BRAF: variants seen among roughly 807,000 people sequenced by gnomAD.
BRAF encodes B-Raf proto-oncogene, serine/threonine kinase.
A neutral mutation model predicts 104.6 loss-of-function variants in BRAF; 16 were observed. That is an observed-to-expected ratio of 0.15 (90% CI 0.10 to 0.23). BRAF has a LOEUF of 0.23. BRAF is among the 10% of genes least tolerant of loss of function. The pLI is 1.00. For synonymous variants in BRAF, 310 were observed against 341.6 expected (o/e 0.91, Z 1.02); for missense variants, 541 against 937.3 (o/e 0.58, Z 5.52).
At chr7:140,922,455 C>G (rs936527639) in intron 1 of BRAF, among the ~76,000 whole-genome samples, 3 of 152,188 alleles carry the variant, frequency 2.0e-5, no homozygotes, top group African/African-American at 7.2e-5. Context: ...TTCACAAAAG[C>G]CTTCTTTACA....
At chr7:140,922,025 T>C (rs1035972843) in intron 1 of BRAF, among the ~76,000 whole-genome samples, 2 of 152,216 alleles carry the variant, frequency 1.3e-5, no homozygotes, top group African/African-American at 2.4e-5. Context: ...ATTTATTTTA[T>C]CATCTGTAAT....
chr7:140,806,919 C>A (rs1421623554), intron 5 of BRAF, among the ~76,000 whole-genome samples: 1 of 152,094 alleles, frequency 6.6e-6, no homozygotes, highest in Non-Finnish European at 1.5e-5. Flanking sequence ...GGATTAATCA[C>A]CAAGACACAT....
chr7:140,907,745 A>G (rs963285431), intron 1 of BRAF, among the ~76,000 whole-genome samples: 13 of 150,716 alleles, frequency 8.6e-5, no homozygotes, highest in African/African-American at 3.2e-4. Flanking sequence ...GAACCAAAGT[A>G]ACTTTTTTTT....
chr7:140,802,294 T>A (rs1454667902), intron 5 of BRAF, among the ~76,000 whole-genome samples: 314 of 77,946 alleles, frequency 4.0e-3, no homozygotes, highest in African/African-American at 8.0e-3. Flanking sequence ...GTTTGTGTCT[T>A]TTTTTTTTTT....
At position 140,719,625 on chromosome 7, in the gene BRAF, A is replaced by T. The variant is rs1444425255; in HGVS notation, c.*6869T>A. On this transcript the variant is annotated 3_prime_UTR_variant, in exon 20 of 20. Coordinates refer to ENST00000644969, the MANE Select transcript of BRAF (RefSeq NM_001374258.1). Reference sequence around the variant, plus strand: ...AGTGGGTATGGGGGAGAATTAAAAAAAATAATAAAAGATTCAAGCAAACAT... The same window carrying T: ...AGTGGGTATGGGGGAGAATTAAAAATAATAATAAAAGATTCAAGCAAACAT... 1.0e-5 allele frequency: 11 copies of T among 1,063,164 alleles called. No individual in the cohort carries two copies. Among genetic ancestry groups the T allele is most frequent in the African/African-American group, 1.6e-5 (1 of 60,994 alleles). The allele number at this position is 1,063,164 out of a possible 1,614,324, so 65.9% of individuals were successfully genotyped here. A position where few individuals can be genotyped will look rare whatever the true frequency, so the allele number is the denominator to read the frequency against.
chr7:140,817,722 T>C (rs1196310426), intron 3 of BRAF, among the ~76,000 whole-genome samples: 3 of 152,188 alleles, frequency 2.0e-5, no homozygotes, highest in Non-Finnish European at 2.9e-5. Context: ...TGATACTCCC[T>C]GTCCCAGGAA....
chr7:140,818,614 G>A (rs901389887), intron 3 of BRAF, among the ~76,000 whole-genome samples: 1 of 152,034 alleles, frequency 6.6e-6, no homozygotes, highest in African/African-American at 2.4e-5. Flanking sequence ...CGCCAGCACC[G>A]GCCAAGTGTT....
At chr7:140,860,476 A>AT (rs1586438741) in intron 1 of BRAF, among the ~76,000 whole-genome samples, 1 of 147,544 alleles carries the variant, frequency 6.8e-6, no homozygotes, top group East Asian at 1.9e-4. Flanking sequence ...AAAAAAAAAA[A>AT]AAAAAGAAAA....
chr7:140,753,752 A>C (rs1165189954), intron 15 of BRAF: 1 of 302,868 alleles, frequency 3.3e-6, no homozygotes, highest in Non-Finnish European at 6.3e-6. Flanking sequence ...ATTGGAATGA[A>C]GATGCTGCAG....
In BRAF at chr7:140,726,165, C is replaced by A; in HGVS notation, c.*329G>T. The A allele has an allele frequency of 8.7e-7, 1 of 1,151,410 alleles. No homozygotes were observed. Among genetic ancestry groups the A allele is most frequent in the Non-Finnish European group, 1.1e-6 (1 of 935,742 alleles). The allele number at this position is 1,151,410 out of a possible 1,614,324, so 71.3% of individuals were successfully genotyped here. ...CTGGCAGACTTTCCATAGCAAATCT[C>A]CCAAGCTGTAGCAGCAGTTTCTTTC... On this transcript the variant is annotated 3_prime_UTR_variant, in exon 20 of 20. Transcript: ENST00000644969.
intron 14 of BRAF, among the ~76,000 whole-genome samples, chr7:140,775,218 TA>T (rs1322771016): frequency 1.3e-5 from 2 of 152,162 alleles, no homozygotes; most frequent in Non-Finnish European, 2.9e-5. Flanking sequence ...ATAAAGGTCC[TA>T]AAGAAGGAAC....
At chr7:140,890,565 G>A (rs1814105536) in intron 1 of BRAF, among the ~76,000 whole-genome samples, 1 of 151,866 alleles carries the variant, frequency 6.6e-6, no homozygotes, top group Non-Finnish European at 1.5e-5. Flanking sequence ...TCACTCTTAA[G>A]TTTACTGACT....
intron 4 of BRAF, chr7:140,808,350 CCAAAA>C: frequency 9.7e-6 from 2 of 205,712 alleles, no homozygotes; most frequent in Admixed American, 7.0e-5. Context: ...TTCCTGGGGT[CCAAAA>C]AAAAAAAAAA....
At chr7:140,889,659 C>G (rs527532883) in intron 1 of BRAF, among the ~76,000 whole-genome samples, 1 of 152,184 alleles carries the variant, frequency 6.6e-6, no homozygotes, top group African/African-American at 2.4e-5. Context: ...AGAAAAAGAA[C>G]CTAGTAAAGA....
intron 1 of BRAF, among the ~76,000 whole-genome samples, chr7:140,879,432 A>G (rs1172007827): frequency 6.6e-6 from 1 of 151,594 alleles, no homozygotes; most frequent in Non-Finnish European, 1.5e-5. Flanking sequence ...TGCCTGCCTC[A>G]GCCTCCCAAA....
At chr7:140,772,304 C>G (rs1447524164) in intron 14 of BRAF, among the ~76,000 whole-genome samples, 1 of 151,660 alleles carries the variant, frequency 6.6e-6, no homozygotes, top group African/African-American at 2.4e-5. Flanking sequence ...ACAACAACAA[C>G]AACAACAACA....
chr7:140,853,450 A>G (rs971325891), intron 1 of BRAF, among the ~76,000 whole-genome samples: 5 of 152,148 alleles, frequency 3.3e-5, no homozygotes, highest in African/African-American at 1.2e-4. Flanking sequence ...AAAAATCACC[A>G]AAGCCATGAC....
chr7:140,888,712 G>C (rs1008842363), intron 1 of BRAF, among the ~76,000 whole-genome samples: 1 of 151,994 alleles, frequency 6.6e-6, no homozygotes, highest in South Asian at 2.1e-4. Context: ...GCGGGCACCT[G>C]TAATCCTAGC....
intron 2 of BRAF, among the ~76,000 whole-genome samples, chr7:140,844,919 C>CAA (rs527468584): frequency 7.7e-5 from 10 of 130,160 alleles, no homozygotes; most frequent in South Asian, 7.2e-4. Context: ...GACTCCATCT[C>CAA]AAAAAAAAAA....
Sources: allele counts gnomAD v4.1 joint callset (sites outside exome capture counted in the v4.1 genomes callset), GRCh38; gene constraint gnomAD v4.1.1; transcripts MANE v1.5; gene names NCBI Gene and HGNC (gene_info 2026-07-23, HGNC 2026-07-21).